Variants in LOC128706666 observed in about 807,000 individuals in gnomAD.
the LOC128706666 span, among the ~76,000 whole-genome samples, chr20:10,418,065 A>G: frequency 6.6e-6 from 1 of 152,250 alleles, no homozygotes; most frequent in Non-Finnish European, 1.5e-5. Context: ...GGCCTTGGGT[A>G]TCAAATTGTA....
the LOC128706666 span, among the ~76,000 whole-genome samples, chr20:10,427,307 G>T: frequency 6.6e-6 from 1 of 152,050 alleles, no homozygotes; most frequent in Non-Finnish European, 1.5e-5. Context: ...TGGCCTTTTG[G>T]ACACAGTGTA....
At chr20:10,424,466 A>G in the LOC128706666 span, among the ~76,000 whole-genome samples, 1 of 152,266 alleles carries the variant, frequency 6.6e-6, no homozygotes, top group Non-Finnish European at 1.5e-5. Flanking sequence ...TCTTTCACTT[A>G]ATAGTGAAAA....
At chr20:10,432,709 T>A in the LOC128706666 span, among the ~76,000 whole-genome samples, 1 of 148,074 alleles carries the variant, frequency 6.8e-6, no homozygotes, top group Non-Finnish European at 1.5e-5. Context: ...GCAGGGAGAA[T>A]TGCTTGAACC....
chr20:10,432,147 T>C, the LOC128706666 span, among the ~76,000 whole-genome samples: 9 of 152,272 alleles, frequency 5.9e-5, no homozygotes, highest in East Asian at 1.7e-3. Context: ...TAACGACAGA[T>C]CAATCAAGGG....
the LOC128706666 span, among the ~76,000 whole-genome samples, chr20:10,417,177 G>T: frequency 6.7e-6 from 1 of 148,394 alleles, no homozygotes; most frequent in Admixed American, 6.8e-5. Context: ...CTTCAACCCA[G>T]AAGGCAGAGG....
the LOC128706666 span, among the ~76,000 whole-genome samples, chr20:10,417,165 C>T: frequency 1.3e-5 from 2 of 149,448 alleles, no homozygotes; most frequent in Non-Finnish European, 3.0e-5. Flanking sequence ...GCAGGAGAAT[C>T]ACTTCAACCC....
At chr20:10,432,380 G>C in the LOC128706666 span, among the ~76,000 whole-genome samples, 2 of 152,132 alleles carry the variant, frequency 1.3e-5, no homozygotes, top group African/African-American at 4.8e-5. Flanking sequence ...ACCCAACCTA[G>C]GACAATCTAG....
chr20:10,421,668 T>G, the LOC128706666 span, among the ~76,000 whole-genome samples: 1 of 152,112 alleles, frequency 6.6e-6, no homozygotes, highest in African/African-American at 2.4e-5. Context: ...TTTAGAGTGT[T>G]TGCCCTGAAT....
chr20:10,428,928 A>G, the LOC128706666 span, among the ~76,000 whole-genome samples: 4 of 152,224 alleles, frequency 2.6e-5, no homozygotes, highest in South Asian at 6.2e-4. Context: ...CCCACTTTCT[A>G]CTGTGTCTTT....
At chr20:10,422,815 C>T in the LOC128706666 span, among the ~76,000 whole-genome samples, 14 of 151,728 alleles carry the variant, frequency 9.2e-5, no homozygotes, top group African/African-American at 3.1e-4. Context: ...AGGTTCACGC[C>T]ATTCTCCTGC....
the LOC128706666 span, among the ~76,000 whole-genome samples, chr20:10,418,607 C>CA: frequency 6.6e-6 from 1 of 152,070 alleles, no homozygotes; most frequent in Non-Finnish European, 1.5e-5. Context: ...GCTGCACTGG[C>CA]ATCTAAAATC....
chr20:10,433,135 C>G, the LOC128706666 span, among the ~76,000 whole-genome samples: 4 of 152,260 alleles, frequency 2.6e-5, no homozygotes, highest in African/African-American at 7.2e-5. Flanking sequence ...TCCCAAGTAG[C>G]TGGGATTACA....
chr20:10,431,590 A>C, the LOC128706666 span: 1 of 152,204 alleles, frequency 6.6e-6, no homozygotes, highest in East Asian at 1.9e-4. Context: ...AAAACTGCAT[A>C]AAGTCTTTAC....
At chr20:10,420,105 A>G in the LOC128706666 span, among the ~76,000 whole-genome samples, 20,659 of 152,232 alleles carry the variant, frequency 0.14, 1,523 homozygotes, top group East Asian at 0.24. Context: ...GTGACTCTCA[A>G]AAGTAACAAA....
At chr20:10,422,034 G>A in the LOC128706666 span, among the ~76,000 whole-genome samples, 384 of 152,120 alleles carry the variant, frequency 2.5e-3, 2 homozygotes, top group African/African-American at 9.0e-3. Context: ...GGTCTGAAAA[G>A]AATTTCTTAT....
At chr20:10,423,196 C>T in the LOC128706666 span, among the ~76,000 whole-genome samples, 20 of 152,098 alleles carry the variant, frequency 1.3e-4, 1 homozygote, top group African/African-American at 4.1e-4. Context: ...CCTAACACTT[C>T]GGGAGCCTGA....
the LOC128706666 span, among the ~76,000 whole-genome samples, chr20:10,431,120 C>T: frequency 1.3e-5 from 2 of 152,058 alleles, no homozygotes; most frequent in East Asian, 3.8e-4. Flanking sequence ...ACACGGCAGC[C>T]ATTACTTTTA....
the LOC128706666 span, among the ~76,000 whole-genome samples, chr20:10,433,052 G>A: frequency 2.6e-5 from 4 of 152,202 alleles, no homozygotes; most frequent in Non-Finnish European, 5.9e-5. Context: ...CGCCCAACCT[G>A]GAGTGCAGTG....
chr20:10,429,389 C>A, the LOC128706666 span, among the ~76,000 whole-genome samples: 7 of 152,130 alleles, frequency 4.6e-5, no homozygotes, highest in African/African-American at 1.7e-4. Flanking sequence ...GTTTCCTGGG[C>A]GGTCTCATTC....
Sources: gnomAD v4.1 joint callset for allele counts (sites outside exome capture counted in the v4.1 genomes callset) on GRCh38, gnomAD v4.1.1 for gene constraint, MANE v1.5 for transcripts.